Variants in SUGP1 observed in about 807,000 individuals in gnomAD.
SUGP1 encodes the protein SURP and G-patch domain-containing protein 1.
SUGP1 carries 34 observed loss-of-function variants against 76.5 expected under a neutral mutation model. The ratio of observed to expected loss-of-function variants is 0.44; its 90% confidence interval spans 0.34 to 0.59. The LOEUF (loss-of-function observed/expected upper bound fraction) is 0.59. Among genes scored for constraint, SUGP1 ranks in the 20% least tolerant of loss-of-function variants. SUGP1 has a pLI of 0.01. For missense variants in SUGP1, 752 were observed against 851.7 expected, an observed-to-expected ratio of 0.88 and a Z score of 1.46; for synonymous variants, 326 against 326.2, an observed-to-expected ratio of 1.00 and a Z score of 0.01.
chr19:19,310,008 C>G, intron 3 of SUGP1, 89 bp downstream of exon 3: 1 of 945,982 alleles, frequency 1.1e-6, no homozygotes, highest in Non-Finnish European at 1.7e-6. Flanking sequence ...GAGCAGGAGT[C>G]TGAGGTGGGA....
At chr19:19,303,673 T>C in intron 5 of SUGP1, 51 bp downstream of exon 5, 1 of 1,606,960 alleles carries the variant, frequency 6.2e-7, no homozygotes, top group African/African-American at 1.3e-5. Flanking sequence ...CGTGCGACTG[T>C]GCAGCAAACG....
intron 8 of SUGP1, among the ~76,000 whole-genome samples, chr19:19,294,541 A>G (rs1374689581): frequency 6.6e-6 from 1 of 151,402 alleles, no homozygotes; most frequent in Non-Finnish European, 1.5e-5. Flanking sequence ...AAAATAGGCT[A>G]AAGACCTAAA....
intron 7 of SUGP1, among the ~76,000 whole-genome samples, chr19:19,300,187 T>C (rs926510327): frequency 1.3e-5 from 2 of 152,186 alleles, no homozygotes; most frequent in African/African-American, 4.8e-5. Context: ...GTGATTTTCC[T>C]GCCTTAGCCT....
intron 8 of SUGP1, among the ~76,000 whole-genome samples, chr19:19,283,259 G>C (rs1408570056): frequency 6.6e-6 from 1 of 152,080 alleles, no homozygotes; most frequent in African/African-American, 2.4e-5. Flanking sequence ...CAAATGTAAA[G>C]ATGGTAGATG....
intron 8 of SUGP1, among the ~76,000 whole-genome samples, chr19:19,285,634 T>G (rs1200867896): frequency 6.6e-6 from 1 of 152,156 alleles, no homozygotes; most frequent in Non-Finnish European, 1.5e-5. Flanking sequence ...GGCGTGAACA[T>G]GGCTCACTGC....
intron 1 of SUGP1, among the ~76,000 whole-genome samples, chr19:19,316,851 C>T (rs1055010388): frequency 3.3e-5 from 5 of 152,012 alleles, no homozygotes; most frequent in African/African-American, 1.2e-4. Context: ...AAAAAAGTAA[C>T]TTTCGGGCTG....
In SUGP1 at chr19:19,306,106, G is replaced by T. The variant is rs887827408; in HGVS notation, c.311-30C>A. 23 of 1,501,258 alleles carry T rather than the reference G, an allele frequency of 1.5e-5. No homozygotes were observed. The African/African-American group carries it at 1.7e-4, about 11-fold the overall frequency. 93.0% of individuals were successfully genotyped at this position (1,501,258 alleles called of 1,614,324 possible). ...TATAGAAGGAAGGATATGCGCACTC[G>T]GGATCTGCAGGGCACCTCTCCCGGC... On this transcript the variant is annotated intron_variant, in intron 3 of 13. Coordinates refer to ENST00000247001, the MANE Select transcript of SUGP1 (RefSeq NM_172231.4).
Position 19,280,086 on chromosome 19 carries a change from C to A in SUGP1, c.1350+99G>T. ...GTTCCACCTGAACACAGGAGCTTGG[C>A]GAAGCACATGAACCCCTGTGACCGC... On this transcript the variant is annotated intron_variant, in intron 9 of 13. Coordinates refer to ENST00000247001, the MANE Select transcript of SUGP1 (RefSeq NM_172231.4). 3.4e-6 allele frequency: 4 copies of A among 1,191,718 alleles called. No individual in the cohort carries two copies. The South Asian group carries it at 4.1e-5, about 12-fold the overall frequency. 73.8% of individuals were successfully genotyped at this position (1,191,718 alleles called of 1,614,324 possible). A position where few individuals can be genotyped will look rare whatever the true frequency, so the allele number is the denominator to read the frequency against.
At chr19:19,316,383 T>C in intron 2 of SUGP1, 39 bp downstream of exon 2, 1 of 1,610,892 alleles carries the variant, frequency 6.2e-7, no homozygotes, top group Non-Finnish European at 8.5e-7. Context: ...CCTCAAAGAC[T>C]CACATCCAGG....
chr19:19,315,804 A>C (rs4808944), intron 2 of SUGP1, among the ~76,000 whole-genome samples: 22,882 of 151,462 alleles, frequency 0.15, 1,833 homozygotes, highest in Middle Eastern at 0.28. Context: ...CTTTGCCAGT[A>C]GTTTGTCACC....
chr19:19,303,526 C>T, intron 5 of SUGP1, 78 bp from the exon 6 acceptor site: 1 of 1,435,070 alleles, frequency 7.0e-7, no homozygotes. Flanking sequence ...TTCTATCGTG[C>T]AAAAAAAGGC....
intron 8 of SUGP1, among the ~76,000 whole-genome samples, chr19:19,286,815 AG>A (rs1449001648): frequency 6.6e-6 from 1 of 152,232 alleles, no homozygotes; most frequent in African/African-American, 2.4e-5. Context: ...AGCCCGAGGC[AG>A]GTGGATCACC....
At chr19:19,320,281 G>A (rs2061432963) in intron 1 of SUGP1, among the ~76,000 whole-genome samples, 182 bp downstream of exon 1, 2 of 152,212 alleles carry the variant, frequency 1.3e-5, no homozygotes, top group Non-Finnish European at 2.9e-5. Context: ...CCAAGCGGGG[G>A]CGGCCAGCAA....
rs937396443 is a variant in SUGP1 at position 19,278,563 on chromosome 19, C to G, written c.1635+127G>C. The G allele has an allele frequency of 1.6e-5, 12 of 764,720 alleles. No homozygotes were observed. The African/African-American group carries it at 1.9e-4, about 12-fold the overall frequency. The allele number at this position is 764,720 out of a possible 1,614,324, so 47.4% of individuals were successfully genotyped here. A position where few individuals can be genotyped will look rare whatever the true frequency, so the allele number is the denominator to read the frequency against. The stretch of plus-strand genomic sequence containing the variant: ...TGTCATTAACAGATGCCTCCTGCAG[C>G]GAAAAGGCCTGGCTCCTGCTGTGAT... On this transcript the variant is annotated intron_variant, in intron 11 of 13. Coordinates refer to ENST00000247001, the MANE Select transcript of SUGP1 (RefSeq NM_172231.4).
In SUGP1 at chr19:19,296,268, A is replaced by G. The variant is rs536024787; in HGVS notation, c.1243+721T>C. ...CAGGTTCCTCAAAGTTAAAAGGAGA[A>G]TTACAGGCCAGACGTGGTGGCTCAT... is the stretch of plus-strand genomic sequence containing the variant. On this transcript the variant is annotated intron_variant, in intron 8 of 13. Coordinates refer to ENST00000247001, the MANE Select transcript of SUGP1 (RefSeq NM_172231.4). Among the ~76,000 whole-genome samples, 3 of 152,292 alleles carry G rather than the reference A, an allele frequency of 2.0e-5. No homozygotes were observed. The East Asian group carries it at 5.8e-4, about 29-fold the overall frequency.
chr19:19,278,875 G>T (rs984775130), intron 10 of SUGP1, 79 bp from the exon 11 acceptor site: 2 of 1,457,004 alleles, frequency 1.4e-6, no homozygotes, highest in East Asian at 4.9e-5. Flanking sequence ...CAGGGCACAG[G>T]TATGAGGCTC....
chr19:19,279,154 A>C, intron 10 of SUGP1, 59 bp downstream of exon 10: 3 of 1,483,846 alleles, frequency 2.0e-6, no homozygotes, highest in Non-Finnish European at 2.7e-6. Flanking sequence ...GTAACCTTCC[A>C]GGGCAGGTGA....
intron 8 of SUGP1, among the ~76,000 whole-genome samples, chr19:19,292,559 G>A (rs879688044): frequency 8.6e-5 from 13 of 151,970 alleles, no homozygotes; most frequent in South Asian, 4.1e-4. Context: ...AAAATTAGCC[G>A]GGTGTGGTGG....
chr19:19,283,073 T>A (rs1404496715), intron 8 of SUGP1, among the ~76,000 whole-genome samples: 2 of 118,516 alleles, frequency 1.7e-5, no homozygotes, highest in Non-Finnish European at 3.4e-5. Context: ...TGAGACTCCA[T>A]CTCAAAAAAA....
Sources: gnomAD v4.1 joint callset for allele counts (sites outside exome capture counted in the v4.1 genomes callset) on GRCh38, gnomAD v4.1.1 for gene constraint, MANE v1.5 for transcripts, NCBI Gene and HGNC (gene_info 2026-07-23, HGNC 2026-07-21) for gene names.